The following CSMD3 variants were observed in gnomAD, a reference collection of about 807,000 sequenced individuals.
CSMD3 encodes the protein CUB and Sushi multiple domains 3, also known as CUB and sushi domain-containing protein 3.
CSMD3 carries 177 observed loss-of-function variants against 435.2 expected under a neutral mutation model. The ratio of observed to expected loss-of-function variants is 0.41; its 90% CI spans 0.36 to 0.46. CSMD3 has a LOEUF of 0.46. Among genes scored for constraint, CSMD3 ranks in the 20% least tolerant of loss-of-function variants. The pLI, the probability that CSMD3 is intolerant of heterozygous loss-of-function variation, is 0.34. For synonymous variants in CSMD3, 1,656 were observed against 1,520.5 expected, an observed-to-expected ratio of 1.09 and a Z score of -2.07; for missense variants, 4,265 against 4,504.6, an observed-to-expected ratio of 0.95 and a Z score of 1.52.
intron 13 of CSMD3, among the ~76,000 whole-genome samples, chr8:112,785,293 A>T (rs1190555699): frequency 1.3e-5 from 2 of 152,074 alleles, no homozygotes; most frequent in East Asian, 3.9e-4. Flanking sequence ...ACAGACACAC[A>T]GGTAGTATAA....
chr8:112,886,553 A>G lies in CSMD3; in HGVS notation c.1634-27287T>C, dbSNP rs2081605268. On this transcript the variant is annotated intron_variant, in intron 10 of 70. Transcript: ENST00000297405. Reference sequence around the variant, plus strand: ...TGTGCTATCCCTACAGATGATGGCAAACACAAATATTCATAGTGAGGGTGT... The same window carrying G: ...TGTGCTATCCCTACAGATGATGGCAGACACAAATATTCATAGTGAGGGTGT... 3.3e-5 allele frequency among the ~76,000 whole-genome samples: 5 copies of G among 151,472 alleles called. 1 individual carries two copies. In the South Asian group the frequency reaches 1.0e-3, roughly 31 times the overall value.
chr8:112,509,153 G>A (rs531964477), intron 28 of CSMD3, among the ~76,000 whole-genome samples: 131 of 148,858 alleles, frequency 8.8e-4, no homozygotes, highest in African/African-American at 3.1e-3. Flanking sequence ...GCAGTGGCAC[G>A]ACCACAGCTC....
chr8:112,755,435 A>G (rs1250672666), intron 13 of CSMD3, among the ~76,000 whole-genome samples: 1 of 151,398 alleles, frequency 6.6e-6, no homozygotes, highest in Non-Finnish European at 1.5e-5. Flanking sequence ...TGATGGTTTT[A>G]TAAGAGTCTT....
intron 58 of CSMD3, among the ~76,000 whole-genome samples, chr8:112,282,058 A>G (rs1818708463): frequency 2.0e-5 from 3 of 152,166 alleles, no homozygotes; most frequent in African/African-American, 4.8e-5. Context: ...CTTAAAAGCT[A>G]TAATATATCA....
At chr8:113,297,415 A>G (rs1168155523) in intron 2 of CSMD3, among the ~76,000 whole-genome samples, 1 of 152,100 alleles carries the variant, frequency 6.6e-6, no homozygotes, top group East Asian at 1.9e-4. Flanking sequence ...GAAAACATCA[A>G]AGTTAACCAC....
intron 12 of CSMD3, among the ~76,000 whole-genome samples, chr8:112,818,501 A>G (rs961964159): frequency 6.6e-6 from 1 of 152,226 alleles, no homozygotes; most frequent in Non-Finnish European, 1.5e-5. Context: ...ACAGACAAGT[A>G]AAGAGATTGC....
At chr8:113,221,340 C>T (rs1588303809) in intron 3 of CSMD3, among the ~76,000 whole-genome samples, 1 of 141,988 alleles carries the variant, frequency 7.0e-6, no homozygotes, top group African/African-American at 2.7e-5. Flanking sequence ...GGAGAAAATA[C>T]ACACAGACAC....
chr8:113,116,965 A>G (rs1269640945), intron 4 of CSMD3, among the ~76,000 whole-genome samples: 1 of 152,160 alleles, frequency 6.6e-6, no homozygotes, highest in Non-Finnish European at 1.5e-5. Flanking sequence ...CTAAGTGGCA[A>G]AGCATTCAAG....
At chr8:112,622,037 G>A (rs999689864) in intron 22 of CSMD3, among the ~76,000 whole-genome samples, 3 of 152,106 alleles carry the variant, frequency 2.0e-5, no homozygotes, top group Non-Finnish European at 4.4e-5. Context: ...GCATATAAAA[G>A]CAGTGGAAGA....
At chr8:113,023,266 AAATGT>A (rs1275952450) in intron 5 of CSMD3, among the ~76,000 whole-genome samples, 1 of 152,044 alleles carries the variant, frequency 6.6e-6, no homozygotes, top group East Asian at 1.9e-4. Context: ...AAAATCATCC[AAATGT>A]AATGGCCTAT....
intron 5 of CSMD3, among the ~76,000 whole-genome samples, chr8:113,055,014 T>A (rs2088258360): frequency 6.6e-6 from 1 of 152,200 alleles, no homozygotes; most frequent in Non-Finnish European, 1.5e-5. Context: ...ACTACCTAGA[T>A]AGATCGTCCC....
intron 59 of CSMD3, among the ~76,000 whole-genome samples, chr8:112,279,604 A>G (rs749859434): frequency 3.3e-5 from 5 of 152,292 alleles, no homozygotes; most frequent in Non-Finnish European, 5.9e-5. Flanking sequence ...AAGAACCATC[A>G]TATAACACCT....
chr8:112,763,769 C>T (rs1469972747), intron 13 of CSMD3, among the ~76,000 whole-genome samples: 2 of 150,538 alleles, frequency 1.3e-5, no homozygotes, highest in Non-Finnish European at 3.0e-5. Context: ...GAGGATAACC[C>T]TCTGTTTCAT....
chr8:113,338,488 C>T (rs1055746572), intron 1 of CSMD3, among the ~76,000 whole-genome samples: 2 of 151,798 alleles, frequency 1.3e-5, no homozygotes, highest in African/African-American at 4.8e-5. Context: ...TCTCTATTAA[C>T]TGATGAAGGG....
chr8:113,416,528 G>A (rs1331243492), intron 1 of CSMD3, among the ~76,000 whole-genome samples: 1 of 151,984 alleles, frequency 6.6e-6, no homozygotes, highest in East Asian at 1.9e-4. Context: ...TGCCAGTTTT[G>A]GAAATAATCA....
At chr8:112,291,215 C>T (rs538654163) in intron 56 of CSMD3, among the ~76,000 whole-genome samples, 1 of 151,696 alleles carries the variant, frequency 6.6e-6, no homozygotes, top group Non-Finnish European at 1.5e-5. Flanking sequence ...GTGTAGTTGC[C>T]TCTTACAGAC....
intron 14 of CSMD3, among the ~76,000 whole-genome samples, chr8:112,686,236 A>T (rs1442267515): frequency 6.6e-6 from 1 of 152,170 alleles, no homozygotes; most frequent in Non-Finnish European, 1.5e-5. Flanking sequence ...ATAAGGAGAT[A>T]AACTAACTTC....
intron 7 of CSMD3, among the ~76,000 whole-genome samples, chr8:112,973,451 C>T (rs1016876020): frequency 4.6e-5 from 7 of 151,842 alleles, no homozygotes; most frequent in Admixed American, 3.3e-4. Context: ...ATGTCCTCGA[C>T]TCTATTGCAA....
chr8:113,435,754 C>T (rs904640191), intron 1 of CSMD3, among the ~76,000 whole-genome samples: 2 of 152,186 alleles, frequency 1.3e-5, no homozygotes, highest in Non-Finnish European at 2.9e-5. Context: ...TAAACACCTC[C>T]TGAGTATTCT....
Sources: allele counts gnomAD v4.1 joint callset (sites outside exome capture counted in the v4.1 genomes callset), GRCh38; gene constraint gnomAD v4.1.1; transcripts MANE v1.5; gene names NCBI Gene and HGNC (gene_info 2026-07-23, HGNC 2026-07-21).